The following DTNB variants were observed in gnomAD, a reference collection of about 807,000 sequenced individuals.
DTNB encodes DTN-B.
Under a neutral mutation model 90.7 loss-of-function variants are expected in DTNB, and 63 were observed. That is an observed-to-expected ratio of 0.69 (90% CI 0.57 to 0.86). The LOEUF (loss-of-function observed/expected upper bound fraction) is 0.86, where lower values mean the gene tolerates loss of function less well. Among genes scored for constraint, DTNB ranks in the 40% least tolerant of loss-of-function variants. The probability of loss-of-function intolerance (pLI) is 0.00; values close to 1 mark genes in which losing one functional copy is unlikely to be tolerated. For missense variants in DTNB, 744 were observed against 807.1 expected (o/e 0.92, Z 0.95); for synonymous variants, 277 against 286.7 (o/e 0.97, Z 0.34).
At position 25,596,072 on chromosome 2, in the gene DTNB, A is replaced by G; in HGVS notation, c.603+14T>C. 1.3e-6 allele frequency: 2 copies of G among 1,585,390 alleles called. No individual in the cohort carries two copies. The highest frequency in any genetic ancestry group is 1.7e-6 in the Non-Finnish European group (2 of 1,170,050). On this transcript the variant is annotated intron_variant, in intron 6 of 20. Transcript: ENST00000406818. ...GCGCTCTTCTAGCCCTAGATTCTAT[A>G]AAACTGTCCTTACCTGCTGTGGAAA... is the stretch of plus-strand genomic sequence containing the variant.
chr2:25,662,317 G>C (rs1240889348), intron 1 of DTNB, among the ~76,000 whole-genome samples: 1 of 152,090 alleles, frequency 6.6e-6, no homozygotes, highest in East Asian at 1.9e-4. Flanking sequence ...AGAAGCATGG[G>C]AAAATAAAAT....
chr2:25,486,366 G>C (rs2066141365), intron 9 of DTNB, among the ~76,000 whole-genome samples: 1 of 152,068 alleles, frequency 6.6e-6, no homozygotes, highest in African/African-American at 2.4e-5. Context: ...CAGGAGGCTG[G>C]GGTGGGAGGA....
intron 3 of DTNB, among the ~76,000 whole-genome samples, chr2:25,631,184 T>G (rs1003343903): frequency 7.2e-5 from 11 of 152,226 alleles, no homozygotes; most frequent in African/African-American, 2.4e-4. Flanking sequence ...GACTGTACAC[T>G]CTAAAAGGGT....
At chr2:25,526,387 A>ATTT (rs1407802793) in intron 9 of DTNB, among the ~76,000 whole-genome samples, 1 of 55,456 alleles carries the variant, frequency 1.8e-5, no homozygotes, top group African/African-American at 1.1e-4. Context: ...ATATATATAT[A>ATTT]TATATATATT....
At chr2:25,439,121 G>T (rs1055546346) in intron 12 of DTNB, among the ~76,000 whole-genome samples, 2 of 152,146 alleles carry the variant, frequency 1.3e-5, no homozygotes, top group Non-Finnish European at 2.9e-5. Context: ...TAGAAAATAT[G>T]AATAAAGTAT....
chr2:25,659,552 T>C (rs974979530), intron 1 of DTNB, among the ~76,000 whole-genome samples: 1 of 151,942 alleles, frequency 6.6e-6, no homozygotes, highest in Non-Finnish European at 1.5e-5. Context: ...ATATTACTAA[T>C]GAAAGAGGGG....
intron 10 of DTNB, among the ~76,000 whole-genome samples, chr2:25,465,533 C>T (rs183233892): frequency 2.0e-5 from 3 of 152,320 alleles, no homozygotes; most frequent in East Asian, 1.9e-4. Context: ...CCTGTGTGAT[C>T]TGGCCCCTTG....
intron 6 of DTNB, among the ~76,000 whole-genome samples, chr2:25,595,476 CT>C (rs2064392731): frequency 6.6e-6 from 1 of 151,968 alleles, no homozygotes; most frequent in Admixed American, 6.5e-5. Flanking sequence ...CAAATGGACG[CT>C]GCAGCCAGTG....
intron 2 of DTNB, among the ~76,000 whole-genome samples, chr2:25,643,063 T>G (rs941178600): frequency 6.6e-6 from 1 of 151,408 alleles, no homozygotes; most frequent in Non-Finnish European, 1.5e-5. Flanking sequence ...CCCAGTAGAG[T>G]TTTATAATCA....
chr2:25,592,650 T>TA (rs553353162), intron 6 of DTNB, among the ~76,000 whole-genome samples: 11 of 151,754 alleles, frequency 7.2e-5, no homozygotes, highest in Non-Finnish European at 1.0e-4. Flanking sequence ...TTCATATCAT[T>TA]AAAAAAAAGC....
chr2:25,419,186 A>G, intron 16 of DTNB: 1 of 415,594 alleles, frequency 2.4e-6, no homozygotes, highest in Non-Finnish European at 4.4e-6. Context: ...AGTTGTTTCA[A>G]GCAATTAAAA....
At chr2:25,596,470 A>G (rs1293279688) in intron 5 of DTNB, 1 of 312,978 alleles carries the variant, frequency 3.2e-6, no homozygotes, top group Admixed American at 5.1e-5. Flanking sequence ...TAAACATCAA[A>G]TAACCATTCA....
intron 8 of DTNB, among the ~76,000 whole-genome samples, chr2:25,534,275 A>G (rs914716070): frequency 6.6e-6 from 1 of 152,088 alleles, no homozygotes; most frequent in African/African-American, 2.4e-5. Flanking sequence ...AATCCATTTA[A>G]CCCTGAGTGG....
chr2:25,422,395 CTTTTTTTTTTTTTTTTTTTT>C (rs146697158), intron 15 of DTNB, among the ~76,000 whole-genome samples: 7 of 82,944 alleles, frequency 8.4e-5, no homozygotes, highest in Non-Finnish European at 1.6e-4. Context: ...CTTTTCTCTT[CTTTTTTTTTTTTTTTTTTTT>C]TTTTTTTTGA....
At chr2:25,550,567 A>G (rs370350012) in intron 8 of DTNB, among the ~76,000 whole-genome samples, 20 of 152,168 alleles carry the variant, frequency 1.3e-4, no homozygotes, top group African/African-American at 4.8e-4. Flanking sequence ...TGCCTATTCT[A>G]TTTAATATTT....
chr2:25,598,327 A>T (rs2065081188), intron 5 of DTNB, among the ~76,000 whole-genome samples: 1 of 152,160 alleles, frequency 6.6e-6, no homozygotes, highest in Non-Finnish European at 1.5e-5. Flanking sequence ...AAAAAGACAA[A>T]GTGTGAATCC....
chr2:25,592,192 C>T (rs2063712513), intron 6 of DTNB, among the ~76,000 whole-genome samples: 1 of 151,998 alleles, frequency 6.6e-6, no homozygotes, highest in Non-Finnish European at 1.5e-5. Flanking sequence ...TCCAGACATA[C>T]CATCTCTTAA....
intron 11 of DTNB, among the ~76,000 whole-genome samples, chr2:25,452,024 C>T (rs767758384): frequency 1.2e-4 from 19 of 152,188 alleles, no homozygotes; most frequent in Non-Finnish European, 1.9e-4. Flanking sequence ...TCATGAAAAA[C>T]AGAGGGCTGA....
intron 19 of DTNB, among the ~76,000 whole-genome samples, chr2:25,381,829 T>C (rs891555135): frequency 6.6e-6 from 1 of 152,238 alleles, no homozygotes; most frequent in African/African-American, 2.4e-5. Context: ...TCCTCAGCAA[T>C]TTCAGGGTCC....
Sources: allele counts gnomAD v4.1 joint callset (sites outside exome capture counted in the v4.1 genomes callset), GRCh38; gene constraint gnomAD v4.1.1; transcripts MANE v1.5; gene names NCBI Gene and HGNC (gene_info 2026-07-23, HGNC 2026-07-21).